The following RPS6KA5 variants were observed in gnomAD, a reference collection of about 807,000 sequenced individuals.
RPS6KA5 encodes ribosomal protein S6 kinase A5, also known as ribosomal protein S6 kinase alpha-5.
RPS6KA5 carries 27 observed loss-of-function variants against 85.5 expected under a neutral mutation model. That is an observed-to-expected ratio of 0.32 (90% CI 0.23 to 0.44). The LOEUF (loss-of-function observed/expected upper bound fraction) is 0.44. Among genes scored for constraint, RPS6KA5 ranks in the 20% least tolerant of loss-of-function variants. The pLI is 1.00. For synonymous variants in RPS6KA5, 334 were observed against 348.2 expected (o/e 0.96, Z 0.46); for missense variants, 811 against 980.9 (o/e 0.83, Z 2.31).
chr14:91,027,059 C>G (rs1322380584), intron 1 of RPS6KA5, among the ~76,000 whole-genome samples: 1 of 152,172 alleles, frequency 6.6e-6, no homozygotes, highest in Non-Finnish European at 1.5e-5. Flanking sequence ...AATATTTTCT[C>G]CCATTGAGTA....
chr14:90,908,497 A>C (rs1392760244), intron 7 of RPS6KA5, among the ~76,000 whole-genome samples: 16 of 152,110 alleles, frequency 1.1e-4, no homozygotes, highest in Non-Finnish European at 1.5e-5. Context: ...ATGTGGAAGG[A>C]ATATCACTTA....
chr14:91,006,977 C>T (rs1469638094), intron 1 of RPS6KA5, among the ~76,000 whole-genome samples: 1 of 152,248 alleles, frequency 6.6e-6, no homozygotes, highest in Admixed American at 6.5e-5. Context: ...ACCTAAACTA[C>T]TGCACCAATG....
At chr14:90,935,310 G>A (rs886595894) in intron 5 of RPS6KA5, among the ~76,000 whole-genome samples, 6 of 150,546 alleles carry the variant, frequency 4.0e-5, no homozygotes, top group Admixed American at 2.0e-4. Context: ...AAAATAAAGA[G>A]AATAATTTTA....
At chr14:90,940,390 T>C (rs2037504651) in intron 5 of RPS6KA5, among the ~76,000 whole-genome samples, 1 of 152,172 alleles carries the variant, frequency 6.6e-6, no homozygotes, top group African/African-American at 2.4e-5. Flanking sequence ...AGGGTGGCTG[T>C]TGACACGACT....
At chr14:90,997,695 A>G (rs1224997439) in intron 2 of RPS6KA5, among the ~76,000 whole-genome samples, 1 of 152,172 alleles carries the variant, frequency 6.6e-6, no homozygotes, top group East Asian at 1.9e-4. Flanking sequence ...TATCTGTACA[A>G]TGAAACAGTA....
intron 1 of RPS6KA5, among the ~76,000 whole-genome samples, chr14:91,056,815 G>A (rs1181492054): frequency 1.5e-5 from 2 of 134,496 alleles, no homozygotes; most frequent in Non-Finnish European, 3.1e-5. Flanking sequence ...CCCATTCTTT[G>A]CTAACTTTAT....
In RPS6KA5 at chr14:90,885,274, T is replaced by C. The variant is rs1334036620; in HGVS notation, c.1836+5213A>G. ...TCTCAAAAAAAAAAAAAAAAAGTGC[T>C]GGGCACGGTGGCTCACACCTGTAAT... On this transcript the variant is annotated intron_variant, in intron 14 of 16. Transcript: ENST00000614987. Among the ~76,000 whole-genome samples the C allele has an allele frequency of 3.7e-5, 5 of 134,206 alleles. No individual in the cohort carries two copies. The East Asian group carries it at 9.2e-4, about 25-fold the overall frequency. 88.0% of individuals were successfully genotyped at this position (134,206 alleles called of 152,430 possible).
chr14:90,885,782 AAAAAAG>A (rs1595125602), intron 14 of RPS6KA5, among the ~76,000 whole-genome samples: 1 of 148,276 alleles, frequency 6.7e-6, no homozygotes, highest in Admixed American at 6.7e-5. Flanking sequence ...AAGAAAAAAG[AAAAAAG>A]AAACCAATCT....
chr14:90,886,087 T>C (rs537688071), intron 14 of RPS6KA5, among the ~76,000 whole-genome samples: 116 of 152,116 alleles, frequency 7.6e-4, no homozygotes, highest in Non-Finnish European at 1.3e-3. Context: ...AAGATATATA[T>C]GTATGTCTGC....
intron 1 of RPS6KA5, among the ~76,000 whole-genome samples, chr14:91,006,943 T>C (rs770991090): frequency 6.6e-6 from 1 of 152,196 alleles, no homozygotes; most frequent in African/African-American, 2.4e-5. Context: ...GGAAGGGAAG[T>C]AGGACACCTC....
chr14:90,887,401 G>C (rs1386646338), intron 14 of RPS6KA5, among the ~76,000 whole-genome samples: 1 of 151,806 alleles, frequency 6.6e-6, no homozygotes, highest in Non-Finnish European at 1.5e-5. Flanking sequence ...TGTTGCCCTG[G>C]CTGGTCTTGA....
chr14:90,881,498 T>C (rs1202568013), intron 14 of RPS6KA5, among the ~76,000 whole-genome samples: 1 of 151,584 alleles, frequency 6.6e-6, no homozygotes, highest in Non-Finnish European at 1.5e-5. Flanking sequence ...TCCTGAGCTC[T>C]TTTTTGTTTG....
intron 5 of RPS6KA5, among the ~76,000 whole-genome samples, chr14:90,923,751 A>G (rs1407643371): frequency 6.6e-6 from 1 of 152,124 alleles, no homozygotes; most frequent in Non-Finnish European, 1.5e-5. Context: ...AGGTTTGACA[A>G]CGCTAATGTT....
chr14:90,950,844 G>A (rs915862916), intron 3 of RPS6KA5, among the ~76,000 whole-genome samples: 1 of 152,146 alleles, frequency 6.6e-6, no homozygotes, highest in African/African-American at 2.4e-5. Context: ...ATCTGGGCCT[G>A]CCATGGTGTC....
At chr14:90,969,553 G>A (rs554303272) in intron 3 of RPS6KA5, among the ~76,000 whole-genome samples, 16 of 152,320 alleles carry the variant, frequency 1.1e-4, no homozygotes, top group Admixed American at 6.5e-5. Context: ...CTTATTTTAA[G>A]GCTATGTCTT....
intron 5 of RPS6KA5, among the ~76,000 whole-genome samples, chr14:90,925,009 C>T (rs2036582833): frequency 6.6e-6 from 1 of 152,114 alleles, no homozygotes. Flanking sequence ...ACTCTTAATG[C>T]TGGCAAATCT....
intron 5 of RPS6KA5, among the ~76,000 whole-genome samples, chr14:90,940,267 G>A (rs571852288): frequency 9.9e-4 from 150 of 152,166 alleles, no homozygotes; most frequent in Admixed American, 2.1e-3. Flanking sequence ...AAATAAGGGC[G>A]CCTACTAATT....
chr14:90,904,706 G>C (rs998986653), intron 8 of RPS6KA5, among the ~76,000 whole-genome samples: 1 of 152,064 alleles, frequency 6.6e-6, no homozygotes, highest in Non-Finnish European at 1.5e-5. Flanking sequence ...TTCCACCTCC[G>C]CTCCATTTAT....
intron 2 of RPS6KA5, among the ~76,000 whole-genome samples, chr14:90,987,662 AC>A (rs2047490370): frequency 6.6e-6 from 1 of 152,168 alleles, no homozygotes; most frequent in Non-Finnish European, 1.5e-5. Context: ...GAGCAAACTT[AC>A]AAGATCTGCT....
Sources: gnomAD v4.1 joint callset for allele counts (sites outside exome capture counted in the v4.1 genomes callset) on GRCh38, gnomAD v4.1.1 for gene constraint, MANE v1.5 for transcripts, NCBI Gene and HGNC (gene_info 2026-07-23, HGNC 2026-07-21) for gene names.